DOC2A: variants seen among roughly 807,000 people sequenced by gnomAD.
The protein encoded by DOC2A is double C2 domain alpha.
A neutral mutation model predicts 40.6 loss-of-function variants in DOC2A; 28 were observed. The ratio of observed to expected loss-of-function variants is 0.69; its 90% confidence interval spans 0.51 to 0.95. The LOEUF (loss-of-function observed/expected upper bound fraction) is 0.95, where lower values mean the gene tolerates loss of function less well. Among genes scored for constraint, DOC2A ranks in the 40% least tolerant of loss-of-function variants. DOC2A has a pLI of 0.00. For missense variants in DOC2A, 474 were observed against 552.5 expected (o/e 0.86, Z 1.42); for synonymous variants, 241 against 236.9 (o/e 1.02, Z -0.16).
In DOC2A at chr16:30,019,456, C is replaced by T. The variant is rs77175653; in HGVS notation, c.-376+1727G>A. On this transcript the variant is annotated intron_variant, in intron 1 of 5. Coordinates refer to the DOC2A transcript ENST00000574405. ...CCTTGTCATTCTTGAGGTCAGGGACCGTGCCGTGGTGATTTCTGAGTCATA... is the reference window on the plus strand; with the variant it reads ...CCTTGTCATTCTTGAGGTCAGGGACTGTGCCGTGGTGATTTCTGAGTCATA... 3.2e-3 allele frequency among the ~76,000 whole-genome samples: 480 copies of T among 152,218 alleles called. 1 individual carries two copies. The highest frequency in any genetic ancestry group is 5.8e-3 in the Non-Finnish European group (392 of 68,010).
At chr16:30,015,845 T>C (rs995810053), upstream of DOC2A, among the ~76,000 whole-genome samples, 1 of 149,268 alleles carries the variant, frequency 6.7e-6, no homozygotes, top group Admixed American at 6.7e-5. Flanking sequence ...GGACTATAGG[T>C]ATGCACCACC....
chr16:30,010,071 TCCCCGCCGC>T lies in DOC2A; in HGVS notation c.143_151del (p.Gly48_Gly50del), dbSNP rs749541197. ...CAGGGGGACCAGATGGGCGGGGGCCTCCCCGCCGCCCCCGCCGCCCCCTTCAGGTCCTGG... is the reference window on the plus strand; with the variant it reads ...CAGGGGGACCAGATGGGCGGGGGCCTCCCCGCCGCCCCCTTCAGGTCCTGG... On this transcript the variant is annotated inframe_deletion, in exon 2 of 11. Transcript: ENST00000350119. This position sits in a 1 kb window ranked among gnomAD's most constrained non-coding sequence, Gnocchi z 4.2. 31 of 1,594,066 alleles carry T rather than the reference TCCCCGCCGC, an allele frequency of 1.9e-5. No homozygotes were observed. Among genetic ancestry groups the T allele is most frequent in the African/African-American group, 1.3e-4 (10 of 74,800 alleles).
At chr16:30,013,142 T>C (rs1469626411), upstream of DOC2A, among the ~76,000 whole-genome samples, 5 of 104,942 alleles carry the variant, frequency 4.8e-5, no homozygotes, top group African/African-American at 2.0e-4. Flanking sequence ...GGCAACATGG[T>C]GAGGCCCTGT....
At chr16:30,007,498 C>T (rs888652143) in intron 5 of DOC2A, 199 bp from the exon 6 acceptor site, 4 of 686,006 alleles carry the variant, frequency 5.8e-6, no homozygotes, top group Middle Eastern at 8.0e-4. Context: ...CCTGGTCCAT[C>T]AGGACATGCT....
rs747932681 is a variant in DOC2A, at chr16:30,009,011, G to C, written c.512C>G (p.Thr171Arg). 6.2e-7 allele frequency: 1 copy of C among 1,613,120 alleles called. No homozygotes were observed. Among genetic ancestry groups the C allele is most frequent in the Non-Finnish European group, 8.5e-7 (1 of 1,179,522 alleles). The change falls in exon 5 of 11, where the codon ACG (threonine) becomes AGG (arginine). Residue 171 changes from threonine to arginine, a missense_variant. By Grantham distance (71) the Thr-to-Arg change is moderately conservative (BLOSUM62 -1). Transcript: ENST00000350119. This position sits in a 1 kb window ranked among gnomAD's most constrained non-coding sequence, Gnocchi z 4.1. ...TYSGITDDDI[T>R]HKVLRIAVCD... ...GGGCCCTCACCTGAGCACCTTGTGCGTGATGTCGTCATCTGTGATCCCGCT... is the reference window on the plus strand; with the variant it reads ...GGGCCCTCACCTGAGCACCTTGTGCCTGATGTCGTCATCTGTGATCCCGCT...
chr16:30,022,550 G>A (rs191720690), upstream of DOC2A, among the ~76,000 whole-genome samples: 69 of 152,122 alleles, frequency 4.5e-4, no homozygotes, highest in Admixed American at 4.4e-3. Flanking sequence ...ACATGCCTGT[G>A]GTCCCAGCTA....
rs2070575670 is a variant in DOC2A, at chr16:30,006,118, A to G, written c.*68T>C. ...GCAGCCCACCCTGTGTAAACGTGCA[A>G]CACACTCGTGCGAAGGTTGGGTACT... is the stretch of plus-strand genomic sequence containing the variant. On this transcript the variant is annotated 3_prime_UTR_variant, in exon 11 of 11. Transcript: ENST00000350119. The surrounding 1 kb of genome is among the most constrained non-coding windows in gnomAD (Gnocchi z 6.2). 1.3e-6 allele frequency: 2 copies of G among 1,511,858 alleles called. No individual in the cohort carries two copies. The highest frequency in any genetic ancestry group is 2.5e-5 in the South Asian group (2 of 80,990). 93.7% of individuals were successfully genotyped at this position (1,511,858 alleles called of 1,614,324 possible).
upstream of DOC2A, among the ~76,000 whole-genome samples, chr16:30,017,148 G>A (rs534248368): frequency 6.6e-6 from 1 of 152,102 alleles, no homozygotes; most frequent in East Asian, 1.9e-4. Flanking sequence ...GAGTGGTGGT[G>A]TGCACTTGTA....
rs774966451 is a variant in DOC2A at position 30,006,653 on chromosome 16, C to T, written c.903G>A (p.Lys301=). The part of the protein sequence containing the change: ...VKTYLRPDVD[K]KSKHKTCVKK... Reference sequence around the variant, plus strand: ...TCACACACGTCTTATGCTTGGATTTCTTGTCCACATCGGGCCTCAGGTACC... The same window carrying T: ...TCACACACGTCTTATGCTTGGATTTTTTGTCCACATCGGGCCTCAGGTACC... Residue 301 remains lysine, a synonymous_variant, in exon 9 of 11, where the codon AAG becomes AAA. Coordinates refer to ENST00000350119, the MANE Select transcript of DOC2A (RefSeq NM_003586.3). This position sits in a 1 kb window ranked among gnomAD's most constrained non-coding sequence, Gnocchi z 6.2. The T allele has an allele frequency of 6.2e-7, 1 of 1,613,766 alleles. No homozygotes were observed. The highest frequency in any genetic ancestry group is 8.5e-7 in the Non-Finnish European group (1 of 1,179,956).
chr16:30,005,980 A>T lies in DOC2A; in HGVS notation c.*206T>A. On this transcript the variant is annotated 3_prime_UTR_variant, in exon 11 of 11. Coordinates refer to ENST00000350119, the MANE Select transcript of DOC2A (RefSeq NM_003586.3). ...ATGGGGGGTTTGCATATTTGCAGGGACTAGCGAGTCAGGCAGGAGGTTTGC... is the reference window on the plus strand; with the variant it reads ...ATGGGGGGTTTGCATATTTGCAGGGTCTAGCGAGTCAGGCAGGAGGTTTGC... The T allele has an allele frequency of 1.6e-6, 1 of 630,726 alleles. No individual in the cohort carries two copies. The highest frequency in any genetic ancestry group is 2.0e-5 in the South Asian group (1 of 50,002). The allele number at this position is 630,726 out of a possible 1,614,324, so 39.1% of individuals were successfully genotyped here.
intron 1 of DOC2A, among the ~76,000 whole-genome samples, chr16:30,017,964 A>G (rs1222067100): frequency 1.0e-5 from 1 of 97,740 alleles, no homozygotes; most frequent in Admixed American, 9.1e-5. Flanking sequence ...TGTCTCCGGA[A>G]AAAAAAAAAA....
upstream of DOC2A, chr16:30,011,082 G>C: frequency 1.0e-6 from 1 of 955,012 alleles, no homozygotes; most frequent in South Asian, 4.8e-5. Context: ...GCGGCGGCGG[G>C]GGACGGGGAG....
Position 30,006,181 on chromosome 16 carries a change from T to A in DOC2A, c.*5A>T. The A allele has an allele frequency of 3.2e-6, 5 of 1,576,620 alleles. No homozygotes were observed. The highest frequency in any genetic ancestry group is 4.3e-6 in the Non-Finnish European group (5 of 1,162,320). ...ATGGGCCTGTGCCGGGACACTGCTG[T>A]CCACTCAGGCTGAGGACAGAGCCCC... is the stretch of plus-strand genomic sequence containing the variant. On this transcript the variant is annotated 3_prime_UTR_variant, in exon 11 of 11. Transcript: ENST00000350119. The surrounding 1 kb of genome is among the most constrained non-coding windows in gnomAD (Gnocchi z 6.2).
rs1344076503 is a variant in DOC2A, at chr16:30,006,338, A to G, written c.1058-7T>C. On this transcript the variant is annotated splice_region_variant and splice_polypyrimidine_tract_variant and intron_variant, in intron 10 of 10. Transcript: ENST00000350119. The surrounding 1 kb of genome is among the most constrained non-coding windows in gnomAD (Gnocchi z 6.2). ...GGCCCCAGGGACACGCCACCTGGGG[A>G]GCAGGTGGGCAGGGTCAGGGCCACC... 10 of 1,612,144 alleles carry G rather than the reference A, an allele frequency of 6.2e-6. No individual in the cohort carries two copies. Among genetic ancestry groups the G allele is most frequent in the African/African-American group, 1.3e-5 (1 of 74,916 alleles).
upstream of DOC2A, chr16:30,013,630 C>T (rs1347012491): frequency 1.1e-5 from 1 of 88,764 alleles, no homozygotes; most frequent in African/African-American, 4.5e-5. Context: ...AAAAAAAATC[C>T]TTAGACCCAG....
chr16:30,010,384 G>A lies in DOC2A; in HGVS notation c.-13-149C>T. ...GGTGGTGTGTGCCAGCCGGTGGCAG[G>A]TGGGAGGCCTGGGCCCTGCAGACCC... On this transcript the variant is annotated intron_variant, in intron 1 of 10. Transcript: ENST00000350119. This position sits in a 1 kb window ranked among gnomAD's most constrained non-coding sequence, Gnocchi z 4.2. 3 of 1,113,812 alleles carry A rather than the reference G, an allele frequency of 2.7e-6. No individual in the cohort carries two copies. The highest frequency in any genetic ancestry group is 4.0e-6 in the Non-Finnish European group (3 of 758,700). 69.0% of individuals were successfully genotyped at this position (1,113,812 alleles called of 1,614,324 possible). A position where few individuals can be genotyped will look rare whatever the true frequency, so the allele number is the denominator to read the frequency against.
At chr16:30,018,427 C>T (rs773180536) in intron 1 of DOC2A, among the ~76,000 whole-genome samples, 1 of 152,156 alleles carries the variant, frequency 6.6e-6, no homozygotes, top group Non-Finnish European at 1.5e-5. Context: ...CTCCAGTGAT[C>T]CTCCCACCTC....
upstream of DOC2A, among the ~76,000 whole-genome samples, chr16:30,016,446 C>T (rs1325557602): frequency 6.6e-6 from 1 of 152,180 alleles, no homozygotes; most frequent in Non-Finnish European, 1.5e-5. Flanking sequence ...AGTGTGAAAG[C>T]CGGTGAGTTT....
At position 30,006,488 on chromosome 16, in the gene DOC2A, G is replaced by C. The variant is rs1209043928; in HGVS notation, c.982C>G (p.Leu328Val). ...AGGGTCTTGGTGGCCAGAGTGGAGA[G>C]CTCTATCTCGTAGAAAAACTCCTAG... Reference protein sequence around the residue: ...FNEEFFYEIELSTLATKTLEV... With the variant: ...FNEEFFYEIEVSTLATKTLEV... The change falls in exon 10 of 11, where the codon CTC becomes GTC. Residue 328 changes from leucine to valine, a missense_variant. Transcript: ENST00000350119. The surrounding 1 kb of genome is among the most constrained non-coding windows in gnomAD (Gnocchi z 6.2). 2.5e-6 allele frequency: 4 copies of C among 1,613,760 alleles called. No individual in the cohort carries two copies. The highest frequency in any genetic ancestry group is 2.5e-6 in the Non-Finnish European group (3 of 1,179,928).
Sources: allele counts gnomAD v4.1 joint callset (sites outside exome capture counted in the v4.1 genomes callset), GRCh38; gene constraint gnomAD v4.1.1; non-coding constraint Gnocchi (gnomAD v3.1); transcripts MANE v1.5; gene names NCBI Gene and HGNC (gene_info 2026-07-23, HGNC 2026-07-21).